The following SIPA1L1 variants were observed in gnomAD, a reference collection of about 807,000 sequenced individuals.
SIPA1L1 encodes the protein signal induced proliferation associated 1 like 1.
A neutral mutation model predicts 162.7 loss-of-function variants in SIPA1L1; 26 were observed. The observed-to-expected ratio is 0.16, with a 90% CI of 0.12 to 0.22. The LOEUF is 0.22. SIPA1L1 is among the 10% of genes least tolerant of loss of function. The pLI, the probability that SIPA1L1 is intolerant of heterozygous loss-of-function variation, is 1.00. For synonymous variants in SIPA1L1, 829 were observed against 837.4 expected (o/e 0.99, Z 0.17); for missense variants, 1,874 against 2,241.0 (o/e 0.84, Z 3.31).
chr14:71,658,181 CA>C (rs990999887), intron 8 of SIPA1L1, 151 bp from the exon 9 acceptor site: 40,755 of 412,494 alleles, frequency 0.099, no homozygotes, highest in South Asian at 0.14. Flanking sequence ...GGATCAAATA[CA>C]AAAAAAAAAA....
intron 2 of SIPA1L1, among the ~76,000 whole-genome samples, chr14:71,470,231 T>C (rs1369262654): frequency 6.6e-6 from 1 of 152,248 alleles, no homozygotes; most frequent in Non-Finnish European, 1.5e-5. Flanking sequence ...GCCACCCAGC[T>C]ACTTTCTCTC....
chr14:71,675,761 C>T (rs117061384), intron 12 of SIPA1L1, among the ~76,000 whole-genome samples: 1 of 152,258 alleles, frequency 6.6e-6, no homozygotes, highest in Non-Finnish European at 1.5e-5. Context: ...AGGCAAGCTG[C>T]TCCTCTACCC....
chr14:71,446,906 G>GTTTTTTTTTTTTTTTTTTTTTTTTTTT (rs1189940440), intron 2 of SIPA1L1, among the ~76,000 whole-genome samples: 2 of 53,244 alleles, frequency 3.8e-5, no homozygotes, highest in African/African-American at 8.4e-5. Flanking sequence ...TTTTTTTTTT[G>GTTTTTTTTTTTTTTTTTTTTTTTTTTT]TTTTTTTTTT....
intron 4 of SIPA1L1, among the ~76,000 whole-genome samples, chr14:71,586,088 C>G (rs1567247126): frequency 6.6e-6 from 1 of 152,180 alleles, no homozygotes; most frequent in Non-Finnish European, 1.5e-5. Context: ...CAGTGCAAAA[C>G]TATTATCCCT....
intron 2 of SIPA1L1, among the ~76,000 whole-genome samples, chr14:71,470,957 C>T (rs549984675): frequency 3.5e-4 from 54 of 152,214 alleles, no homozygotes; most frequent in African/African-American, 1.3e-3. Flanking sequence ...CCTGCCTCAG[C>T]CTCCCGAGTA....
intron 7 of SIPA1L1, among the ~76,000 whole-genome samples, chr14:71,638,374 G>C (rs539666732): frequency 6.6e-6 from 1 of 152,064 alleles, no homozygotes; most frequent in Admixed American, 6.5e-5. Flanking sequence ...GAGATGCAAG[G>C]CTGATTCAGT....
At chr14:71,436,287 A>G (rs1196401053) in intron 2 of SIPA1L1, among the ~76,000 whole-genome samples, 1 of 152,166 alleles carries the variant, frequency 6.6e-6, no homozygotes, top group African/African-American at 2.4e-5. Flanking sequence ...TTTTTGGATC[A>G]TCAGGTTTAT....
intron 2 of SIPA1L1, among the ~76,000 whole-genome samples, chr14:71,397,445 T>C (rs2041293827): frequency 6.6e-6 from 1 of 152,030 alleles, no homozygotes; most frequent in Non-Finnish European, 1.5e-5. Flanking sequence ...AGTATTTCTT[T>C]ATTCAGTATT....
chr14:71,509,669 G>A (rs1469673645), intron 2 of SIPA1L1, among the ~76,000 whole-genome samples: 1 of 151,738 alleles, frequency 6.6e-6, no homozygotes, highest in African/African-American at 2.4e-5. Context: ...GCTTGAACCC[G>A]GGAGGCGGAG....
intron 5 of SIPA1L1, among the ~76,000 whole-genome samples, chr14:71,603,293 C>T (rs937819634): frequency 1.3e-5 from 2 of 151,694 alleles, no homozygotes; most frequent in Non-Finnish European, 2.9e-5. Flanking sequence ...TATTTTTTTT[C>T]AAATCAGCCG....
chr14:71,730,575 T>C (rs2084675468), intron 20 of SIPA1L1, among the ~76,000 whole-genome samples: 1 of 152,206 alleles, frequency 6.6e-6, no homozygotes, highest in Non-Finnish European at 1.5e-5. Flanking sequence ...TTGGTATTCT[T>C]AGCAACCATG....
intron 17 of SIPA1L1, among the ~76,000 whole-genome samples, chr14:71,719,361 T>C (rs1248161527): frequency 6.6e-6 from 1 of 152,216 alleles, no homozygotes; most frequent in African/African-American, 2.4e-5. Context: ...GTCTCTGAAC[T>C]AGTTTTCCGA....
chr14:71,442,343 T>C (rs1169881990), intron 2 of SIPA1L1, among the ~76,000 whole-genome samples: 2 of 152,096 alleles, frequency 1.3e-5, no homozygotes, highest in African/African-American at 2.4e-5. Context: ...AAGATTTCAT[T>C]TACTTGATTC....
intron 10 of SIPA1L1, among the ~76,000 whole-genome samples, chr14:71,670,116 G>A (rs542622174): frequency 2.2e-4 from 33 of 152,108 alleles, no homozygotes; most frequent in Admixed American, 7.2e-4. Flanking sequence ...TGGAAAGAGC[G>A]ATCTTCGATG....
At chr14:71,385,686 CTTTTTTTTTTTT>C (rs532140419) in intron 2 of SIPA1L1, among the ~76,000 whole-genome samples, 4 of 112,414 alleles carry the variant, frequency 3.6e-5, no homozygotes, top group South Asian at 2.7e-4. Flanking sequence ...TTTGTACATT[CTTTTTTTTTTTT>C]TTTTTTTTGA....
chr14:71,376,725 T>A (rs2039404406), intron 2 of SIPA1L1, among the ~76,000 whole-genome samples: 1 of 152,074 alleles, frequency 6.6e-6, no homozygotes, highest in Non-Finnish European at 1.5e-5. Flanking sequence ...TTCCTTAGTG[T>A]TTGTGTCCCT....
At chr14:71,618,009 A>G (rs2039022917) in intron 5 of SIPA1L1, among the ~76,000 whole-genome samples, 1 of 152,166 alleles carries the variant, frequency 6.6e-6, no homozygotes, top group South Asian at 2.1e-4. Context: ...TTTGATCCCT[A>G]TCTTTCTTTT....
chr14:71,580,195 A>AT (rs1477321110), intron 4 of SIPA1L1, among the ~76,000 whole-genome samples: 3 of 152,208 alleles, frequency 2.0e-5, no homozygotes, highest in Non-Finnish European at 4.4e-5. Flanking sequence ...CCAGTATGCG[A>AT]TTCCTTGAGC....
rs989047464 is a variant in SIPA1L1, at chr14:71,730,160, G to A, written c.4720G>A (p.Glu1574Lys). ...CGAGAGCATTTACAATAGCCAGAGG[G>A]AGCACTTTTTCACCTCCAGGGCGTC... ...SDESIYNSQR[E>K]HFFTSRASLL... The change falls in exon 20 of 24, where the codon GAG becomes AAG. Residue 1574 changes from glutamate to lysine, a missense_variant. Coordinates refer to ENST00000381232, the MANE Select transcript of SIPA1L1 (RefSeq NM_001386936.1). 6.2e-7 allele frequency: 1 copy of A among 1,614,164 alleles called. No individual in the cohort carries two copies. Among genetic ancestry groups the A allele is most frequent in the Non-Finnish European group, 8.5e-7 (1 of 1,180,034 alleles).
Sources: gnomAD v4.1 joint callset for allele counts (sites outside exome capture counted in the v4.1 genomes callset) on GRCh38, gnomAD v4.1.1 for gene constraint, MANE v1.5 for transcripts, NCBI Gene and HGNC (gene_info 2026-07-23, HGNC 2026-07-21) for gene names.